Variants in RASGRF2 observed in about 807,000 individuals in gnomAD.
The protein encoded by RASGRF2 is ras-specific guanine nucleotide-releasing factor 2.
RASGRF2 carries 76 observed loss-of-function variants against 151.0 expected under a neutral mutation model. The observed-to-expected ratio is 0.50, with a 90% CI of 0.42 to 0.61. RASGRF2 has a LOEUF of 0.61. Ranked by LOEUF, RASGRF2 falls within the 20% of genes least tolerant of loss-of-function variation. The probability of loss-of-function intolerance (pLI) is 0.00; values close to 1 mark genes in which losing one functional copy is unlikely to be tolerated. For synonymous variants in RASGRF2, 504 were observed against 566.5 expected, an observed-to-expected ratio of 0.89 and a Z score of 1.57; for missense variants, 1,148 against 1,564.6, an observed-to-expected ratio of 0.73 and a Z score of 4.49.
intron 18 of RASGRF2, among the ~76,000 whole-genome samples, chr5:81,199,541 A>G (rs1400822513): frequency 6.6e-6 from 1 of 152,144 alleles, no homozygotes; most frequent in Non-Finnish European, 1.5e-5. Flanking sequence ...TCATTCAACC[A>G]TTTTAGCATT....
intron 1 of RASGRF2, among the ~76,000 whole-genome samples, chr5:80,969,123 CTTTTTTTTTTTT>C (rs551407326): frequency 4.3e-5 from 4 of 93,358 alleles, no homozygotes; most frequent in East Asian, 2.8e-4. Flanking sequence ...GTGCAGGACT[CTTTTTTTTTTTT>C]TTTTTTTTTT....
chr5:80,971,583 T>TTG (rs1747935196), intron 1 of RASGRF2, among the ~76,000 whole-genome samples: 1 of 150,954 alleles, frequency 6.6e-6, no homozygotes, highest in African/African-American at 2.4e-5. Context: ...TTTTTTTTTT[T>TTG]GAGATAGTTT....
At position 81,229,264 on chromosome 5, in the gene RASGRF2, G is replaced by A. The variant is rs1291200405; in HGVS notation, c.*3494G>A. 8 of 151,456 alleles carry A rather than the reference G, an allele frequency of 5.3e-5. No homozygotes were observed. The highest frequency in any genetic ancestry group is 1.0e-4 in the Non-Finnish European group (7 of 67,936). The allele number at this position is 151,456 out of a possible 1,614,324, so 9.4% of individuals were successfully genotyped here. On this transcript the variant is annotated 3_prime_UTR_variant, in exon 27 of 27. Transcript: ENST00000265080. ...AAAATGTATTATTTTTACAACTATC[G>A]AAAAGGCATAAAAGAGAACATACTA...
intron 12 of RASGRF2, 128 bp from the exon 13 acceptor site, chr5:81,108,867 TG>T: frequency 1.7e-6 from 2 of 1,187,944 alleles, no homozygotes; most frequent in Non-Finnish European, 2.3e-6. Flanking sequence ...TGTGTGTGTG[TG>T]TGTGTGTGTG....
rs188180209 is a variant in RASGRF2 at position 81,010,308 on chromosome 5, G to A, written c.289-32569G>A. ...ATTTATATATGTGTATTATTTTCAC[G>A]GACGAAAAACTCAAACTTTTTCTTA... On this transcript the variant is annotated intron_variant, in intron 1 of 26. Transcript: ENST00000265080. 1.1e-4 allele frequency among the ~76,000 whole-genome samples: 17 copies of A among 152,066 alleles called. No individual in the cohort carries two copies. In the East Asian group the frequency reaches 2.1e-3, roughly 19 times the overall value.
chr5:81,094,344 G>A lies in RASGRF2; in HGVS notation c.1600G>A (p.Asp534Asn). The change falls in exon 11 of 27, where the codon GAT becomes AAT. Residue 534 changes from aspartate to asparagine, a missense_variant. This residue lies in a region of RASGRF2 where 646 missense variants were observed against 807.4 expected (regional missense o/e 0.80). Transcript: ENST00000265080. ...LIDCTLIEEPDASDDDSKGSG... is the reference protein window; with the variant it reads ...LIDCTLIEEPNASDDDSKGSG... The stretch of plus-strand genomic sequence containing the variant: ...AGACTGCACATTGATTGAGGAGCCA[G>A]ATGCAAGCGATGATGACTGTAAGTC... 1 of 1,613,058 alleles carries A rather than the reference G, an allele frequency of 6.2e-7. No individual in the cohort carries two copies. Among genetic ancestry groups the A allele is most frequent in the Admixed American group, 1.7e-5 (1 of 59,980 alleles).
chr5:81,110,424 TCTTTA>T (rs1752962234), intron 13 of RASGRF2, among the ~76,000 whole-genome samples: 1 of 152,234 alleles, frequency 6.6e-6, no homozygotes, highest in African/African-American at 2.4e-5. Flanking sequence ...ATATTTAATT[TCTTTA>T]CTTAAAATGA....
chr5:81,096,169 A>T (rs548290617), intron 12 of RASGRF2: 14 of 152,220 alleles, frequency 9.2e-5, no homozygotes, highest in Non-Finnish European at 1.6e-4. Context: ...GCAAATAAAT[A>T]GCTAGAAAAG....
chr5:80,963,207 T>C (rs1213463958), intron 1 of RASGRF2, among the ~76,000 whole-genome samples: 1 of 152,220 alleles, frequency 6.6e-6, no homozygotes, highest in Non-Finnish European at 1.5e-5. Flanking sequence ...GCTGAGGTGC[T>C]TAGATCATCC....
rs1388170894 is a variant in RASGRF2 at position 81,080,700 on chromosome 5, G to A, written c.1072G>A (p.Asp358Asn). 1 of 1,614,172 alleles carries A rather than the reference G, an allele frequency of 6.2e-7. No homozygotes were observed. Among genetic ancestry groups the A allele is most frequent in the Non-Finnish European group, 8.5e-7 (1 of 1,180,020 alleles). The change falls in exon 7 of 27, where the codon GAT becomes AAT. Residue 358 changes from aspartate to asparagine, a missense_variant. By Grantham distance (23) the Asp-to-Asn change is conservative. This residue lies in a region of RASGRF2 where 176 missense variants were observed against 309.6 expected (regional missense o/e 0.57). Transcript: ENST00000265080. Reference protein sequence around the residue: ...QVLANCKQNRDFDKLLKQYEA... With the variant: ...QVLANCKQNRNFDKLLKQYEA... Reference sequence around the variant, plus strand: ...TCTCGCCAATTGTAAGCAAAACAGAGATTTTGACAAACTCTTAAAACAGTA... The same window carrying A: ...TCTCGCCAATTGTAAGCAAAACAGAAATTTTGACAAACTCTTAAAACAGTA...
intron 17 of RASGRF2, among the ~76,000 whole-genome samples, chr5:81,164,676 C>T (rs1181302077): frequency 2.0e-5 from 3 of 152,296 alleles, no homozygotes; most frequent in South Asian, 2.1e-4. Context: ...TAATGAATAG[C>T]GATGGCAACA....
intron 17 of RASGRF2, among the ~76,000 whole-genome samples, chr5:81,140,569 GTGGGCTTTGCATTCTCTTCC>G (rs1269967073): frequency 2.0e-5 from 3 of 152,116 alleles, no homozygotes; most frequent in Non-Finnish European, 4.4e-5. Context: ...CTCATGGCAG[GTGGGCTTTGCATTCTCTTCC>G]TGGAAACATG....
intron 18 of RASGRF2, chr5:81,183,397 T>G: frequency 3.6e-6 from 3 of 834,246 alleles, no homozygotes; most frequent in South Asian, 5.5e-5. Context: ...GGTTAGGGGT[T>G]GGTTCTCCAG....
intron 1 of RASGRF2, among the ~76,000 whole-genome samples, chr5:80,964,003 T>G (rs894903843): frequency 1.3e-5 from 2 of 148,896 alleles, no homozygotes; most frequent in Non-Finnish European, 3.0e-5. Flanking sequence ...AAATCCGTTT[T>G]TTTTTTTTTT....
chr5:81,123,798 A>C, intron 16 of RASGRF2, 31 bp downstream of exon 16: 1 of 1,587,250 alleles, frequency 6.3e-7, no homozygotes. Context: ...CAGAAATAGA[A>C]ACGTGAAAAA....
At chr5:81,061,413 A>G (rs1216453515) in intron 2 of RASGRF2, among the ~76,000 whole-genome samples, 2 of 152,106 alleles carry the variant, frequency 1.3e-5, no homozygotes, top group Non-Finnish European at 2.9e-5. Context: ...CTATATGACA[A>G]TATCTATTTA....
intron 13 of RASGRF2, among the ~76,000 whole-genome samples, chr5:81,111,489 T>A (rs1752991919): frequency 6.6e-6 from 1 of 152,182 alleles, no homozygotes; most frequent in Admixed American, 6.5e-5. Context: ...TACTTTTTTT[T>A]AAGTGAAGAC....
In RASGRF2 at chr5:80,981,336, G is replaced by T. The variant is rs545104315; in HGVS notation, c.288+20310G>T. 5.3e-5 allele frequency among the ~76,000 whole-genome samples: 8 copies of T among 152,120 alleles called. No individual in the cohort carries two copies. In the East Asian group the frequency reaches 1.5e-3, roughly 29 times the overall value. On this transcript the variant is annotated intron_variant, in intron 1 of 26. Transcript: ENST00000265080. ...GTATCATGGTTTTGCTTTAAAAATT[G>T]TGGTACCTGTACTTTCTGATAGCTT... is the stretch of plus-strand genomic sequence containing the variant.
chr5:81,079,034 C>A (rs916797310), intron 5 of RASGRF2, among the ~76,000 whole-genome samples: 1 of 152,212 alleles, frequency 6.6e-6, no homozygotes, highest in African/African-American at 2.4e-5. Flanking sequence ...GCACTCACAT[C>A]GCCATGACTG....
Sources: allele counts gnomAD v4.1 joint callset (sites outside exome capture counted in the v4.1 genomes callset), GRCh38; gene constraint gnomAD v4.1.1; regional missense constraint gnomAD v4.1.1; transcripts MANE v1.5; gene names NCBI Gene and HGNC (gene_info 2026-07-23, HGNC 2026-07-21).